The following APTX variants were observed in gnomAD, a reference collection of about 807,000 sequenced individuals.
APTX encodes aprataxin.
A neutral mutation model predicts 42.3 loss-of-function variants in APTX; 33 were observed. That is an observed-to-expected ratio of 0.78 (90% CI 0.59 to 1.04). The LOEUF is 1.04. Ranked by LOEUF, APTX falls within the 50% of genes least tolerant of loss-of-function variation. The pLI is 0.00. For missense variants in APTX, 421 were observed against 415.1 expected (o/e 1.01, Z -0.12); for synonymous variants, 130 against 146.7 (o/e 0.89, Z 0.82).
chr9:32,990,735 G>A (rs114240460), intron 1 of APTX, among the ~76,000 whole-genome samples: 3 of 152,240 alleles, frequency 2.0e-5, no homozygotes, highest in East Asian at 1.9e-4. Context: ...ATTAATGTGC[G>A]GTTTTAAAGG....
chr9:33,001,474 C>T (rs770231732), intron 1 of APTX, 93 bp downstream of exon 1: 14 of 1,598,366 alleles, frequency 8.8e-6, no homozygotes, highest in South Asian at 2.2e-5. Flanking sequence ...TCATTCAAGG[C>T]ACATCACTCA....
At chr9:32,973,711 C>CAAAAAAAAAAAAAAAAAACA (rs34659850) in intron 7 of APTX, 59 bp from the exon 8 acceptor site, 1 of 1,179,360 alleles carries the variant, frequency 8.5e-7, no homozygotes. Context: ...TATGAGATAC[C>CAAAAAAAAAAAAAAAAAACA]AAAAAAAAAA....
chr9:32,991,161 G>A (rs1268015095), intron 1 of APTX, among the ~76,000 whole-genome samples: 1 of 152,116 alleles, frequency 6.6e-6, no homozygotes, highest in Admixed American at 6.5e-5. Context: ...CCTGGCCTCA[G>A]GTGATCCGCC....
upstream of APTX, among the ~76,000 whole-genome samples, chr9:33,004,055 TGTC>T (rs1354913007): frequency 2.0e-5 from 3 of 152,134 alleles, no homozygotes; most frequent in African/African-American, 7.2e-5. Flanking sequence ...ATAAAGAAAA[TGTC>T]GTACATATAC....
At chr9:33,015,053 G>A (rs1213294411) in intron 1 of APTX, among the ~76,000 whole-genome samples, 2 of 152,154 alleles carry the variant, frequency 1.3e-5, no homozygotes, top group East Asian at 3.9e-4. Context: ...ATTCTTGTAT[G>A]CCTTTTAGCT....
chr9:32,984,198 T>C (rs1165923529), intron 6 of APTX, among the ~76,000 whole-genome samples: 1 of 152,198 alleles, frequency 6.6e-6, no homozygotes, highest in East Asian at 1.9e-4. Flanking sequence ...TTTTCTCTCA[T>C]TTTATTTTCA....
Position 32,988,112 on chromosome 9 carries a change from ACT to A in APTX, c.149_150del (p.Glu50ValfsTer2), listed in dbSNP as rs755083054. 6.2e-7 allele frequency: 1 copy of A among 1,613,950 alleles called. No homozygotes were observed. The highest frequency in any genetic ancestry group is 1.3e-5 in the African/African-American group (1 of 74,888). On this transcript the variant is annotated frameshift_variant, in exon 3 of 8. Transcript: ENST00000379817. LOFTEE classifies it high-confidence loss of function. Reference sequence around the variant, plus strand: ...TTTACCTTGACATATCCCTTGTTACACTCTGCTTTCAACTGTACTGAAAGAGA... The same window carrying A: ...TTTACCTTGACATATCCCTTGTTACACTGCTTTCAACTGTACTGAAAGAGA... The part of the protein sequence containing the change: ...CSRQQVQLKA[E>X]CNKGYVKVKQ...
chr9:33,013,729 G>A (rs1231434779), intron 1 of APTX, among the ~76,000 whole-genome samples: 3 of 152,204 alleles, frequency 2.0e-5, no homozygotes, highest in South Asian at 2.1e-4. Flanking sequence ...GTGTGAACCC[G>A]GGAGGCGGAG....
At chr9:33,004,251 T>C (rs528296198), upstream of APTX, among the ~76,000 whole-genome samples, 7 of 152,326 alleles carry the variant, frequency 4.6e-5, no homozygotes, top group African/African-American at 1.4e-4. Context: ...AGTGGTATAA[T>C]GTTCATTGGA....
chr9:32,978,192 C>T lies in APTX; in HGVS notation c.771-3631G>A, dbSNP rs74609639. ...ACCACTACTGCTTCAAAAGGGTATA[C>T]GACTTAATGAGAATAGACTGAGTGG... is the stretch of plus-strand genomic sequence containing the variant. On this transcript the variant is annotated intron_variant, in intron 6 of 7. Transcript: ENST00000379817. Among the ~76,000 whole-genome samples, 943 of 152,230 alleles carry T rather than the reference C, an allele frequency of 6.2e-3. 15 individuals are homozygous for T. Among genetic ancestry groups the T allele is most frequent in the African/African-American group, 0.022 (905 of 41,534 alleles).
chr9:32,976,740 C>CA (rs1245809073), intron 6 of APTX, among the ~76,000 whole-genome samples: 2 of 152,192 alleles, frequency 1.3e-5, no homozygotes, highest in African/African-American at 4.8e-5. Flanking sequence ...AAATACTCTA[C>CA]AAACAGTAAA....
chr9:32,985,071 A>G (rs1831610008), intron 5 of APTX, among the ~76,000 whole-genome samples: 1 of 152,252 alleles, frequency 6.6e-6, no homozygotes, highest in South Asian at 2.1e-4. Flanking sequence ...TCCAACTCAG[A>G]TGTGGTTGAC....
At chr9:32,988,163 C>T in intron 2 of APTX, 34 bp from the exon 3 acceptor site, 6 of 1,600,960 alleles carry the variant, frequency 3.7e-6, no homozygotes, top group South Asian at 1.1e-5. Flanking sequence ...AACACAAATG[C>T]AACAAAGAAC....
intron 1 of APTX, among the ~76,000 whole-genome samples, chr9:32,991,977 A>G (rs1045075598): frequency 6.6e-6 from 1 of 152,194 alleles, no homozygotes; most frequent in African/African-American, 2.4e-5. Context: ...ATATGTGGGT[A>G]TGAAGCTCAA....
chr9:33,020,360 T>C (rs4338193), intron 1 of APTX, among the ~76,000 whole-genome samples: 10,710 of 152,228 alleles, frequency 0.07, 510 homozygotes, highest in Non-Finnish European at 0.11. Context: ...CATCAAGTCA[T>C]CATGACTCTA....
chr9:33,013,192 C>G (rs1454849225), intron 1 of APTX, among the ~76,000 whole-genome samples: 1 of 151,396 alleles, frequency 6.6e-6, no homozygotes, highest in Non-Finnish European at 1.5e-5. Context: ...TGTGGATACT[C>G]TTCTGCACAC....
chr9:32,997,391 T>C (rs975969153), intron 1 of APTX: 4 of 152,106 alleles, frequency 2.6e-5, no homozygotes, highest in Non-Finnish European at 5.9e-5. Context: ...TAATAGTAGA[T>C]GTGGTAAACA....
At chr9:33,001,463 G>A (rs781770785) in intron 1 of APTX, 104 bp downstream of exon 1, 1 of 1,589,026 alleles carries the variant, frequency 6.3e-7, no homozygotes, top group African/African-American at 1.3e-5. Flanking sequence ...TGAAAGCAGC[G>A]TCATTCAAGG....
upstream of APTX, among the ~76,000 whole-genome samples, chr9:33,004,924 G>A (rs894409866): frequency 2.0e-5 from 3 of 152,008 alleles, no homozygotes; most frequent in Non-Finnish European, 4.4e-5. Flanking sequence ...ACAGGTGTGA[G>A]CCACTGCGCC....
Sources: gnomAD v4.1 joint callset for allele counts (sites outside exome capture counted in the v4.1 genomes callset) on GRCh38, gnomAD v4.1.1 for gene constraint, MANE v1.5 for transcripts, NCBI Gene and HGNC (gene_info 2026-07-23, HGNC 2026-07-21) for gene names.